The following LRFN2 variants were observed in gnomAD, a reference collection of about 807,000 sequenced individuals.
The protein encoded by LRFN2 is leucine rich repeat and fibronectin type III domain containing 2, also known as leucine-rich repeat and fibronectin type-III domain-containing protein 2.
LRFN2 carries 18 observed loss-of-function variants against 37.3 expected under a neutral mutation model. The ratio of observed to expected loss-of-function variants is 0.48; its 90% CI spans 0.33 to 0.72. The LOEUF is 0.72. Ranked by LOEUF, LRFN2 falls within the 30% of genes least tolerant of loss-of-function variation. The pLI, the probability that LRFN2 is intolerant of heterozygous loss-of-function variation, is 0.02. For missense variants in LRFN2, 1,006 were observed against 1,060.7 expected (o/e 0.95, Z 0.72); for synonymous variants, 556 against 466.6 (o/e 1.19, Z -2.47).
chr6:40,423,889 C>T (rs1370575150), intron 2 of LRFN2, among the ~76,000 whole-genome samples: 1 of 152,160 alleles, frequency 6.6e-6, no homozygotes, highest in Non-Finnish European at 1.5e-5. Context: ...GATGGTAGGA[C>T]AGAAAGACAG....
intron 2 of LRFN2, among the ~76,000 whole-genome samples, chr6:40,394,037 G>C (rs1359370206): frequency 6.6e-6 from 1 of 152,154 alleles, no homozygotes; most frequent in East Asian, 1.9e-4. Context: ...CCTAGTTGTA[G>C]TAGGCCAGGC....
intron 1 of LRFN2, among the ~76,000 whole-genome samples, chr6:40,552,075 C>T (rs1766787457): frequency 6.6e-6 from 1 of 152,200 alleles, no homozygotes; most frequent in Non-Finnish European, 1.5e-5. Context: ...GGGGCTATGT[C>T]TTTTTGTTTC....
chr6:40,399,573 G>A (rs139024594), intron 2 of LRFN2, among the ~76,000 whole-genome samples: 81 of 151,356 alleles, frequency 5.4e-4, no homozygotes, highest in African/African-American at 1.8e-3. Context: ...GAGTAACTGG[G>A]CCTACAGGTG....
chr6:40,500,357 C>A (rs931395003), intron 1 of LRFN2, among the ~76,000 whole-genome samples: 1 of 152,244 alleles, frequency 6.6e-6, no homozygotes, highest in East Asian at 1.9e-4. Context: ...CTGTGGCATT[C>A]CCTCTGGCTT....
intron 1 of LRFN2, among the ~76,000 whole-genome samples, chr6:40,466,288 C>T (rs374293707): frequency 6.6e-6 from 1 of 152,142 alleles, no homozygotes; most frequent in Admixed American, 6.5e-5. Context: ...AGCAGGAGAA[C>T]CTATAAATGC....
At chr6:40,513,292 G>A (rs1010677613) in intron 1 of LRFN2, among the ~76,000 whole-genome samples, 1 of 151,122 alleles carries the variant, frequency 6.6e-6, no homozygotes, top group Non-Finnish European at 1.5e-5. Flanking sequence ...GAAGTGCAGT[G>A]GTGAGATCTT....
At chr6:40,473,441 C>T (rs1231697803) in intron 1 of LRFN2, among the ~76,000 whole-genome samples, 1 of 152,206 alleles carries the variant, frequency 6.6e-6, no homozygotes, top group African/African-American at 2.4e-5. Context: ...TCCGTTTCCA[C>T]TCCCAGTCAT....
chr6:40,435,034 TATATATATATATATATATAGAGAG>T (rs1382190569), intron 1 of LRFN2, among the ~76,000 whole-genome samples: 4 of 93,050 alleles, frequency 4.3e-5, no homozygotes, highest in African/African-American at 1.7e-4. Context: ...TATATATATA[TATATATATATATATATATAGAGAG>T]AGAGAGAGAG....
At chr6:40,397,365 G>A (rs1762637629) in intron 2 of LRFN2, among the ~76,000 whole-genome samples, 1 of 152,158 alleles carries the variant, frequency 6.6e-6, no homozygotes, top group African/African-American at 2.4e-5. Flanking sequence ...GGTCAGGATG[G>A]ACTCAGCAGC....
At chr6:40,523,426 G>A (rs1009189266) in intron 1 of LRFN2, among the ~76,000 whole-genome samples, 4 of 151,502 alleles carry the variant, frequency 2.6e-5, no homozygotes, top group Middle Eastern at 3.2e-3. Flanking sequence ...AAGTGGTGAA[G>A]GATAATTTAA....
chr6:40,533,229 T>C (rs995676502), intron 1 of LRFN2, among the ~76,000 whole-genome samples: 1 of 152,168 alleles, frequency 6.6e-6, no homozygotes, highest in African/African-American at 2.4e-5. Context: ...TAGTCTTTTC[T>C]TTTTCTTTCC....
At position 40,547,608 on chromosome 6, in the gene LRFN2, G is replaced by A. The variant is rs1446796227; in HGVS notation, c.-19+39333C>T. Among the ~76,000 whole-genome samples the A allele has an allele frequency of 2.0e-5, 3 of 152,228 alleles. No individual in the cohort carries two copies. In the East Asian group the frequency reaches 5.8e-4, roughly 29 times the overall value. On this transcript the variant is annotated intron_variant, in intron 1 of 2. Transcript: ENST00000338305. ...GCTGGTCAGTGCAGCCCCCACCAGT[G>A]GGCATCATGCCCTCTGCCTCCTGAA...
At chr6:40,514,569 C>A (rs530537010) in intron 1 of LRFN2, among the ~76,000 whole-genome samples, 2 of 152,270 alleles carry the variant, frequency 1.3e-5, no homozygotes, top group Non-Finnish European at 2.9e-5. Flanking sequence ...CCCGCCTTGG[C>A]CTCCCAAAGT....
intron 1 of LRFN2, among the ~76,000 whole-genome samples, chr6:40,524,589 C>G (rs1264451445): frequency 6.6e-6 from 1 of 152,162 alleles, no homozygotes; most frequent in Non-Finnish European, 1.5e-5. Flanking sequence ...GGCCGAGGCG[C>G]TCCTTCTCAC....
chr6:40,577,096 T>TCTCTCC, intron 1 of LRFN2, among the ~76,000 whole-genome samples: 1 of 137,704 alleles, frequency 7.3e-6, no homozygotes, highest in African/African-American at 2.7e-5. Context: ...TTCTTTTCTT[T>TCTCTCC]TCTTTTCCTT....
chr6:40,535,804 G>T (rs750795929), intron 1 of LRFN2, among the ~76,000 whole-genome samples: 1 of 152,130 alleles, frequency 6.6e-6, no homozygotes, highest in Admixed American at 6.5e-5. Context: ...TGTTCTCAGA[G>T]TGTTTTGAGT....
intron 2 of LRFN2, among the ~76,000 whole-genome samples, chr6:40,424,078 G>C (rs1393364247): frequency 6.6e-6 from 1 of 152,110 alleles, no homozygotes; most frequent in Non-Finnish European, 1.5e-5. Context: ...CTTTTTCTGT[G>C]ATGCCTCTAG....
intron 1 of LRFN2, among the ~76,000 whole-genome samples, chr6:40,527,200 C>T (rs2113906715): frequency 6.6e-6 from 1 of 152,296 alleles, no homozygotes; most frequent in African/African-American, 2.4e-5. Context: ...CCAGAAGCTA[C>T]CTGAAGGAAG....
intron 2 of LRFN2, among the ~76,000 whole-genome samples, chr6:40,409,471 G>A (rs1308793372): frequency 6.6e-6 from 1 of 152,180 alleles, no homozygotes; most frequent in African/African-American, 2.4e-5. Flanking sequence ...GCTGCTGAGA[G>A]TATGTTTATG....
Sources: allele counts gnomAD v4.1 joint callset (sites outside exome capture counted in the v4.1 genomes callset), GRCh38; gene constraint gnomAD v4.1.1; transcripts MANE v1.5; gene names NCBI Gene and HGNC (gene_info 2026-07-23, HGNC 2026-07-21).